The following DPP10 variants were observed in gnomAD, a reference collection of about 807,000 sequenced individuals.
The protein encoded by DPP10 is inactive dipeptidyl peptidase 10.
In DPP10, 33 loss-of-function variants were observed where a neutral mutation model predicts 120.9. The observed-to-expected ratio is 0.27, with a 90% CI of 0.21 to 0.37. DPP10 has a LOEUF of 0.37. Ranked by LOEUF, DPP10 falls within the 10% of genes least tolerant of loss-of-function variation. DPP10 has a pLI of 1.00. For synonymous variants in DPP10, 337 were observed against 326.1 expected (o/e 1.03, Z -0.36); for missense variants, 816 against 942.8 (o/e 0.87, Z 1.76).
At position 114,981,790 on chromosome 2, in the gene DPP10, T is replaced by A. The variant is rs538233024; in HGVS notation, c.61-327449T>A. 4.0e-5 allele frequency among the ~76,000 whole-genome samples: 6 copies of A among 151,812 alleles called. 1 individual carries two copies. Among genetic ancestry groups the A allele is most frequent in the African/African-American group, 1.5e-4 (6 of 41,370 alleles). On this transcript the variant is annotated intron_variant, in intron 1 of 25. Transcript: ENST00000410059. The stretch of plus-strand genomic sequence containing the variant: ...TGTTTTTTGTTTTTGTTTTTTTTTT[T>A]AGATAGGGTGTCTCACTATTTCTCC...
At chr2:115,782,983 G>A (rs139667486) in intron 17 of DPP10, among the ~76,000 whole-genome samples, 217 of 152,170 alleles carry the variant, frequency 1.4e-3, no homozygotes, top group African/African-American at 4.9e-3. Context: ...TTACAGTAAA[G>A]TAGATAAATA....
chr2:115,130,602 A>C (rs1250964764), intron 1 of DPP10, among the ~76,000 whole-genome samples: 2 of 151,568 alleles, frequency 1.3e-5, no homozygotes, highest in Non-Finnish European at 2.9e-5. Flanking sequence ...GATGCTTCTG[A>C]CTTTCAAGAC....
At chr2:115,656,793 G>A (rs1376173967) in intron 5 of DPP10, among the ~76,000 whole-genome samples, 1 of 151,610 alleles carries the variant, frequency 6.6e-6, no homozygotes, top group Non-Finnish European at 1.5e-5. Flanking sequence ...TACAATATTG[G>A]AAGGTTTGCT....
At chr2:115,672,697 T>TCTTTCTTTCTTG in intron 5 of DPP10, among the ~76,000 whole-genome samples, 1 of 147,300 alleles carries the variant, frequency 6.8e-6, no homozygotes, top group East Asian at 2.0e-4. Flanking sequence ...TTTCTTTCTT[T>TCTTTCTTTCTTG]CTTTCTTTCT....
Position 114,549,390 on chromosome 2 carries a change from C to T in DPP10, c.60+106552C>T, listed in dbSNP as rs183140210. Among the ~76,000 whole-genome samples the T allele has an allele frequency of 6.2e-3, 943 of 152,054 alleles. 12 individuals carry two copies. The highest frequency in any genetic ancestry group is 0.022 in the African/African-American group (892 of 41,480). On this transcript the variant is annotated intron_variant, in intron 1 of 25. Coordinates refer to ENST00000410059, the MANE Select transcript of DPP10 (RefSeq NM_020868.6). ...GAAAACATGTCCGCATAACCTGGAG[C>T]GGCAGCTCACGCCTATAGTCCCAGC...
intron 1 of DPP10, among the ~76,000 whole-genome samples, chr2:114,622,042 T>C (rs989388478): frequency 1.3e-5 from 2 of 151,996 alleles, no homozygotes; most frequent in African/African-American, 4.8e-5. Context: ...ATTGCCTGTG[T>C]GTAATGAAGT....
chr2:115,454,357 T>G (rs1020209328), intron 3 of DPP10, among the ~76,000 whole-genome samples: 1 of 151,530 alleles, frequency 6.6e-6, no homozygotes, highest in Admixed American at 6.6e-5. Context: ...CAAACTAAAT[T>G]CAAGAACATA....
At chr2:115,341,688 G>C (rs1024992751) in intron 2 of DPP10, among the ~76,000 whole-genome samples, 1 of 152,108 alleles carries the variant, frequency 6.6e-6, no homozygotes, top group African/African-American at 2.4e-5. Flanking sequence ...TCATGTAGTT[G>C]AGATTATATA....
At chr2:114,531,152 C>T (rs1458043985) in intron 1 of DPP10, among the ~76,000 whole-genome samples, 1 of 152,084 alleles carries the variant, frequency 6.6e-6, no homozygotes, top group Non-Finnish European at 1.5e-5. Flanking sequence ...ATTCCATTTA[C>T]TGAGCACCTC....
At chr2:115,361,955 A>C (rs1388684802) in intron 3 of DPP10, among the ~76,000 whole-genome samples, 1 of 150,788 alleles carries the variant, frequency 6.6e-6, no homozygotes, top group Non-Finnish European at 1.5e-5. Flanking sequence ...TTTTAATTCA[A>C]CTTGCTTTGT....
chr2:115,804,670 G>A (rs193144601), intron 19 of DPP10, among the ~76,000 whole-genome samples: 155 of 152,304 alleles, frequency 1.0e-3, no homozygotes, highest in African/African-American at 3.5e-3. Flanking sequence ...TCAGCTGCAG[G>A]TCTGTCGGAG....
chr2:115,338,460 A>G (rs1429345980), intron 2 of DPP10, among the ~76,000 whole-genome samples: 1 of 151,910 alleles, frequency 6.6e-6, no homozygotes, highest in African/African-American at 2.4e-5. Context: ...AATTTTTTTT[A>G]GTTTTAGGGA....
intron 5 of DPP10, among the ~76,000 whole-genome samples, chr2:115,653,373 A>G (rs923625862): frequency 2.6e-5 from 4 of 152,016 alleles, no homozygotes; most frequent in Non-Finnish European, 5.9e-5. Context: ...AGCATTTTAT[A>G]TTTTACCCAA....
chr2:114,902,523 T>C (rs1333995330), intron 1 of DPP10, among the ~76,000 whole-genome samples: 2 of 152,082 alleles, frequency 1.3e-5, no homozygotes, highest in South Asian at 2.1e-4. Flanking sequence ...TCTCATGTTC[T>C]TTTTTCAAAG....
intron 1 of DPP10, among the ~76,000 whole-genome samples, chr2:114,589,146 G>A (rs1228970447): frequency 6.6e-6 from 1 of 152,104 alleles, no homozygotes; most frequent in African/African-American, 2.4e-5. Flanking sequence ...GTTGAAGGCA[G>A]GGGAAGTTTC....
chr2:114,463,140 G>T (rs1242372740), intron 1 of DPP10, among the ~76,000 whole-genome samples: 1 of 152,226 alleles, frequency 6.6e-6, no homozygotes, highest in East Asian at 1.9e-4. Context: ...GGCCCTCTCA[G>T]TGGACAGAGC....
chr2:115,334,167 A>G (rs1187874259), intron 2 of DPP10, among the ~76,000 whole-genome samples: 1 of 147,250 alleles, frequency 6.8e-6, no homozygotes, highest in East Asian at 2.0e-4. Flanking sequence ...CTCCTCAGGA[A>G]GAGCAACTCC....
chr2:115,466,483 A>G (rs2074334314), intron 3 of DPP10, among the ~76,000 whole-genome samples: 1 of 152,198 alleles, frequency 6.6e-6, no homozygotes, highest in Non-Finnish European at 1.5e-5. Flanking sequence ...AGTTTAGATT[A>G]CTTTAACTTT....
chr2:115,162,609 T>C (rs1288129802), intron 1 of DPP10, among the ~76,000 whole-genome samples: 2 of 151,852 alleles, frequency 1.3e-5, no homozygotes, highest in Non-Finnish European at 2.9e-5. Flanking sequence ...GAACGGAGCT[T>C]GGGGAGCGGC....
Sources: gnomAD v4.1 joint callset for allele counts (sites outside exome capture counted in the v4.1 genomes callset) on GRCh38, gnomAD v4.1.1 for gene constraint, MANE v1.5 for transcripts, NCBI Gene and HGNC (gene_info 2026-07-23, HGNC 2026-07-21) for gene names.